The following TASP1 variants were observed in gnomAD, a reference collection of about 807,000 sequenced individuals.
TASP1 encodes the protein threonine aspartase 1.
Under a neutral mutation model 56.6 loss-of-function variants are expected in TASP1, and 16 were observed. That is an observed-to-expected ratio of 0.28 (90% CI 0.19 to 0.43). The LOEUF (loss-of-function observed/expected upper bound fraction) is 0.43. Ranked by LOEUF, TASP1 falls within the 20% of genes least tolerant of loss-of-function variation. The pLI, the probability that TASP1 is intolerant of heterozygous loss-of-function variation, is 1.00. For synonymous variants in TASP1, 179 were observed against 184.2 expected (o/e 0.97, Z 0.23); for missense variants, 393 against 511.6 (o/e 0.77, Z 2.24).
At chr20:13,313,884 T>C in the TASP1 span, among the ~76,000 whole-genome samples, 4 of 152,132 alleles carry the variant, frequency 2.6e-5, no homozygotes, top group Admixed American at 2.6e-4. Flanking sequence ...TGAATAAAGT[T>C]GGCAACATGC....
At chr20:13,368,725 T>C in the TASP1 span, 11 of 152,258 alleles carry the variant, frequency 7.2e-5, no homozygotes, top group Non-Finnish European at 1.2e-4. Flanking sequence ...GATAAACCCA[T>C]TTTTGTCATT....
At chr20:13,309,149 C>T in the TASP1 span, among the ~76,000 whole-genome samples, 1 of 152,064 alleles carries the variant, frequency 6.6e-6, no homozygotes, top group African/African-American at 2.4e-5. Flanking sequence ...TATATCTGGA[C>T]ACCAACATAC....
chr20:13,198,142 A>G, the TASP1 span, among the ~76,000 whole-genome samples: 1 of 152,202 alleles, frequency 6.6e-6, no homozygotes, highest in East Asian at 1.9e-4. Context: ...GTTTTGGAAT[A>G]TCTAGATTTT....
intron 7 of TASP1, among the ~76,000 whole-genome samples, chr20:13,566,002 A>G (rs1157443173): frequency 6.6e-6 from 1 of 152,224 alleles, no homozygotes; most frequent in Non-Finnish European, 1.5e-5. Context: ...ACAATGAAAC[A>G]CTATTCAGCC....
the TASP1 span, chr20:13,153,928 C>T: frequency 1.8e-5 from 28 of 1,572,348 alleles, no homozygotes; most frequent in South Asian, 4.8e-5. Context: ...CTTAAAGATG[C>T]TTGCCAAGTT....
At chr20:13,461,430 A>T (rs1418233377) in intron 11 of TASP1, among the ~76,000 whole-genome samples, 3 of 152,178 alleles carry the variant, frequency 2.0e-5, no homozygotes, top group Non-Finnish European at 4.4e-5. Context: ...GCCTGGCCTG[A>T]AACATAGTGT....
the TASP1 span, among the ~76,000 whole-genome samples, chr20:13,187,374 C>G: frequency 6.6e-6 from 1 of 151,452 alleles, no homozygotes; most frequent in African/African-American, 2.4e-5. Context: ...CTAGGAAGCT[C>G]AGAGAACACT....
chr20:13,467,144 G>A (rs1488367773), intron 11 of TASP1, among the ~76,000 whole-genome samples: 2 of 150,456 alleles, frequency 1.3e-5, no homozygotes, highest in African/African-American at 4.9e-5. Flanking sequence ...CTACATTTGA[G>A]TTCTTTCATA....
At chr20:13,318,443 C>T in the TASP1 span, among the ~76,000 whole-genome samples, 4 of 152,142 alleles carry the variant, frequency 2.6e-5, no homozygotes, top group Non-Finnish European at 5.9e-5. Context: ...ATTAAACGTA[C>T]GCTTACCATA....
chr20:13,565,427 G>A (rs2046493024), intron 7 of TASP1, among the ~76,000 whole-genome samples: 2 of 152,100 alleles, frequency 1.3e-5, no homozygotes, highest in South Asian at 4.2e-4. Flanking sequence ...CGTGGAATGG[G>A]ATAAGATATT....
the TASP1 span, chr20:13,169,036 G>A: frequency 3.3e-5 from 5 of 151,958 alleles, no homozygotes; most frequent in South Asian, 4.2e-4. Context: ...CATTTGAAAC[G>A]ACCAATTTCA....
At chr20:13,433,119 G>A (rs779617149) in intron 12 of TASP1, among the ~76,000 whole-genome samples, 5 of 151,940 alleles carry the variant, frequency 3.3e-5, no homozygotes, top group Non-Finnish European at 5.9e-5. Flanking sequence ...AATGCTATCC[G>A]TCACCTAGCC....
At position 13,569,578 on chromosome 20, in the gene TASP1, A is replaced by G; in HGVS notation, c.497T>C (p.Val166Ala). The G allele has an allele frequency of 6.2e-7, 1 of 1,611,982 alleles. No homozygotes were observed. Among genetic ancestry groups the G allele is most frequent in the Non-Finnish European group, 8.5e-7 (1 of 1,179,282 alleles). ...SAGRIPPCFL[V>A]GEGAYRWAVD... ...TGCCCATCTGTAGGCTCCTTCTCCA[A>G]CTAAAAAGCTAACAACAGAAAAATT... is the stretch of plus-strand genomic sequence containing the variant. Residue 166 changes from valine to alanine, a missense_variant, in exon 7 of 14, where the codon GTT (valine) becomes GCT (alanine). Val to Ala is a moderately conservative substitution (Grantham distance 64, BLOSUM62 0). This residue lies in a region of TASP1 where 293 missense variants were observed against 354.2 expected (regional missense o/e 0.83). Coordinates refer to ENST00000337743, the MANE Select transcript of TASP1 (RefSeq NM_017714.3).
chr20:13,539,404 G>T (rs754116532), intron 8 of TASP1, among the ~76,000 whole-genome samples: 3 of 152,058 alleles, frequency 2.0e-5, no homozygotes, highest in Non-Finnish European at 4.4e-5. Flanking sequence ...AAAAAACCCA[G>T]CCAGGCATGG....
At chr20:13,184,572 G>A in the TASP1 span, among the ~76,000 whole-genome samples, 1 of 152,052 alleles carries the variant, frequency 6.6e-6, no homozygotes, top group Admixed American at 6.6e-5. Flanking sequence ...AATTATTTCT[G>A]CCACTGTGGT....
At chr20:13,374,308 A>C in the TASP1 span, among the ~76,000 whole-genome samples, 1 of 151,808 alleles carries the variant, frequency 6.6e-6, no homozygotes, top group Non-Finnish European at 1.5e-5. Flanking sequence ...AAACAGAGAG[A>C]AATAACAAGT....
the TASP1 span, among the ~76,000 whole-genome samples, chr20:13,119,559 C>G: frequency 6.6e-6 from 1 of 152,304 alleles, no homozygotes; most frequent in Admixed American, 6.5e-5. Context: ...ATTTTCTTAT[C>G]TCTTAAAATG....
rs573413882 is a variant in TASP1, at chr20:13,622,978, C to A, written c.282+468G>T. ...TTCGATGTCCACAGTAAACTGGGGA[C>A]AAACCTAACCATAACACTGGGACAA... On this transcript the variant is annotated intron_variant, in intron 4 of 13. Coordinates refer to ENST00000337743, the MANE Select transcript of TASP1 (RefSeq NM_017714.3). Among the ~76,000 whole-genome samples, 23 of 152,192 alleles carry A rather than the reference C, an allele frequency of 1.5e-4. No individual in the cohort carries two copies. In the East Asian group the frequency reaches 4.5e-3, roughly 29 times the overall value.
At chr20:13,308,350 C>T in the TASP1 span, among the ~76,000 whole-genome samples, 6 of 152,178 alleles carry the variant, frequency 3.9e-5, no homozygotes, top group South Asian at 1.2e-3. Flanking sequence ...AACTAGTGAG[C>T]CAGAATTTAT....
Sources: allele counts gnomAD v4.1 joint callset (sites outside exome capture counted in the v4.1 genomes callset), GRCh38; gene constraint gnomAD v4.1.1; regional missense constraint gnomAD v4.1.1; transcripts MANE v1.5; gene names NCBI Gene and HGNC (gene_info 2026-07-23, HGNC 2026-07-21).